ATP8A2: variants seen among roughly 807,000 people sequenced by gnomAD.
ATP8A2 encodes ATPase phospholipid transporting 8A2.
A neutral mutation model predicts 165.6 loss-of-function variants in ATP8A2; 100 were observed. The observed-to-expected ratio is 0.60, with a 90% CI of 0.51 to 0.71. The LOEUF (loss-of-function observed/expected upper bound fraction) is 0.71, where lower values mean the gene tolerates loss of function less well. Ranked by LOEUF, ATP8A2 falls within the 30% of genes least tolerant of loss-of-function variation. ATP8A2 has a pLI of 0.00. For missense variants in ATP8A2, 1,227 were observed against 1,479.5 expected, an observed-to-expected ratio of 0.83 and a Z score of 2.80; for synonymous variants, 543 against 548.8, an observed-to-expected ratio of 0.99 and a Z score of 0.15.
intron 2 of ATP8A2, among the ~76,000 whole-genome samples, chr13:25,515,809 C>G (rs891826923): frequency 2.0e-5 from 3 of 152,182 alleles, no homozygotes; most frequent in African/African-American, 2.4e-5. Flanking sequence ...ACTCATGTCT[C>G]TATGTTGGAT....
At chr13:25,904,399 C>T (rs1454447578) in intron 33 of ATP8A2, among the ~76,000 whole-genome samples, 1 of 152,224 alleles carries the variant, frequency 6.6e-6, no homozygotes, top group African/African-American at 2.4e-5. Context: ...TCGACATTCT[C>T]CGTTTCCTCA....
intron 28 of ATP8A2, among the ~76,000 whole-genome samples, chr13:25,836,743 A>G (rs9581458): frequency 0.031 from 4,734 of 152,300 alleles, 251 homozygotes; most frequent in African/African-American, 0.11. Context: ...TTGAATGAAT[A>G]AATGGATGAA....
At chr13:25,776,993 G>A (rs2044758109) in intron 27 of ATP8A2, among the ~76,000 whole-genome samples, 1 of 151,822 alleles carries the variant, frequency 6.6e-6, no homozygotes, top group South Asian at 2.1e-4. Flanking sequence ...ACTTCAAGTG[G>A]GCTGAGTCTG....
At chr13:25,559,362 G>A (rs2039075298) in intron 14 of ATP8A2, among the ~76,000 whole-genome samples, 1 of 152,090 alleles carries the variant, frequency 6.6e-6, no homozygotes, top group Non-Finnish European at 1.5e-5. Context: ...ATGAAACCTT[G>A]TCACTACTAA....
intron 1 of ATP8A2, among the ~76,000 whole-genome samples, chr13:25,414,361 T>C (rs2034072228): frequency 6.6e-6 from 1 of 152,020 alleles, no homozygotes; most frequent in Non-Finnish European, 1.5e-5. Context: ...TGGCTAATTT[T>C]TTGTATTTTT....
chr13:25,489,097 CAG>C (rs1433971857), intron 2 of ATP8A2, among the ~76,000 whole-genome samples: 3 of 152,096 alleles, frequency 2.0e-5, no homozygotes, highest in East Asian at 3.9e-4. Flanking sequence ...CCACCTGTGA[CAG>C]AGTTTCCCTT....
chr13:25,903,227 T>G (rs1490983890), intron 33 of ATP8A2, among the ~76,000 whole-genome samples: 1 of 152,184 alleles, frequency 6.6e-6, no homozygotes, highest in Non-Finnish European at 1.5e-5. Flanking sequence ...TTCTTGACTT[T>G]TCTCTCTCCC....
chr13:25,779,371 C>G, intron 27 of ATP8A2, among the ~76,000 whole-genome samples: 1 of 101,654 alleles, frequency 9.8e-6, no homozygotes, highest in African/African-American at 3.9e-5. Flanking sequence ...CAGAGCCTTG[C>G]AGGGCAGCCA....
At chr13:25,506,961 A>ATATATATATC (rs569215571) in intron 2 of ATP8A2, among the ~76,000 whole-genome samples, 1,979 of 145,230 alleles carry the variant, frequency 0.014, 32 homozygotes, top group Non-Finnish European at 0.021. Context: ...ATATATATAT[A>ATATATATATC]TCTTATTTTA....
chr13:25,409,094 C>CT lies in ATP8A2; in HGVS notation c.76+36813dup, dbSNP rs552884202. ...TATTTTGATCTTTCTGTAAAGCCCT[C>CT]TTTTTTTGCAAACAACAATTTCTGA... On this transcript the variant is annotated intron_variant, in intron 1 of 36. Transcript: ENST00000381655. Among the ~76,000 whole-genome samples the CT allele has an allele frequency of 1.4e-3, 210 of 152,258 alleles. 3 individuals carry two copies. The highest frequency in any genetic ancestry group is 4.5e-3 in the African/African-American group (189 of 41,558).
chr13:25,882,170 G>A (rs532663809), intron 33 of ATP8A2, among the ~76,000 whole-genome samples: 4 of 152,262 alleles, frequency 2.6e-5, no homozygotes. Context: ...CTCGGCATTG[G>A]GTGGATGTTT....
chr13:25,458,344 C>G (rs76659704), intron 1 of ATP8A2, among the ~76,000 whole-genome samples: 3,872 of 152,276 alleles, frequency 0.025, 184 homozygotes, highest in African/African-American at 0.088. Context: ...GATGGCTTGA[C>G]TCTCAACATT....
chr13:25,995,869 A>T (rs1044101333), intron 35 of ATP8A2, among the ~76,000 whole-genome samples: 11 of 152,248 alleles, frequency 7.2e-5, no homozygotes, highest in Admixed American at 6.5e-4. Flanking sequence ...TGAATGAGGG[A>T]TATTGAAAAA....
chr13:25,820,183 A>T (rs1005176955), intron 27 of ATP8A2, among the ~76,000 whole-genome samples: 6 of 152,238 alleles, frequency 3.9e-5, no homozygotes, highest in Non-Finnish European at 8.8e-5. Context: ...GCAATTAGCC[A>T]AGACGGTTAC....
intron 33 of ATP8A2, among the ~76,000 whole-genome samples, chr13:25,918,798 C>A (rs1442949003): frequency 1.3e-5 from 2 of 152,132 alleles, no homozygotes; most frequent in Non-Finnish European, 2.9e-5. Flanking sequence ...TCATTTTGGA[C>A]CCCACTTGTA....
At chr13:25,431,070 T>C (rs2034596805) in intron 1 of ATP8A2, among the ~76,000 whole-genome samples, 1 of 152,190 alleles carries the variant, frequency 6.6e-6, no homozygotes, top group African/African-American at 2.4e-5. Flanking sequence ...GTCTTCTGGT[T>C]ATTTTGATAA....
intron 24 of ATP8A2, among the ~76,000 whole-genome samples, chr13:25,618,384 G>C (rs988974458): frequency 1.3e-5 from 2 of 152,088 alleles, no homozygotes; most frequent in African/African-American, 4.8e-5. Flanking sequence ...TTCATGCCGG[G>C]TGTTGTCACT....
intron 1 of ATP8A2, among the ~76,000 whole-genome samples, chr13:25,463,118 T>A (rs1042530833): frequency 1.8e-5 from 2 of 109,010 alleles, no homozygotes; most frequent in African/African-American, 6.5e-5. Flanking sequence ...GGTATTTCTT[T>A]CTGAAGTGTT....
chr13:25,955,279 CAGAACTGA>C (rs1288884358), intron 33 of ATP8A2, among the ~76,000 whole-genome samples: 1 of 151,978 alleles, frequency 6.6e-6, no homozygotes, highest in Non-Finnish European at 1.5e-5. Flanking sequence ...AAGATCAGAG[CAGAACTGA>C]AGGAAATGGA....
Sources: allele counts gnomAD v4.1 joint callset (sites outside exome capture counted in the v4.1 genomes callset), GRCh38; gene constraint gnomAD v4.1.1; transcripts MANE v1.5; gene names NCBI Gene and HGNC (gene_info 2026-07-23, HGNC 2026-07-21).